KALRN: variants seen among roughly 807,000 people sequenced by gnomAD.
KALRN encodes the protein kalirin.
Under a neutral mutation model 353.7 loss-of-function variants are expected in KALRN, and 70 were observed. That is an observed-to-expected ratio of 0.20 (90% CI 0.16 to 0.24). The LOEUF is 0.24. Ranked by LOEUF, KALRN falls within the 10% of genes least tolerant of loss-of-function variation. The probability of loss-of-function intolerance (pLI) is 1.00; values close to 1 mark genes in which losing one functional copy is unlikely to be tolerated. For missense variants in KALRN, 2,791 were observed against 3,756.7 expected (o/e 0.74, Z 6.72); for synonymous variants, 1,391 against 1,434.8 (o/e 0.97, Z 0.69).
At chr3:124,236,952 T>A (rs1337479192) in intron 3 of KALRN, among the ~76,000 whole-genome samples, 1 of 152,216 alleles carries the variant, frequency 6.6e-6, no homozygotes, top group African/African-American at 2.4e-5. Context: ...CTGTGATGCC[T>A]GCTGCCCTGC....
rs140809592 is a variant in KALRN at position 124,297,525 on chromosome 3, C to T, written c.970-1266C>T. Among the ~76,000 whole-genome samples the T allele has an allele frequency of 6.8e-4, 103 of 152,356 alleles. 1 individual carries two copies. In the East Asian group the frequency reaches 7.5e-3, roughly 11 times the overall value. On this transcript the variant is annotated intron_variant, in intron 5 of 59. Transcript: ENST00000682506. ...ATGGTTGAGTTTCCAGGTCCTCACCCACATCAGGATTTCTGTAGCAGCCTC... is the reference window on the plus strand; with the variant it reads ...ATGGTTGAGTTTCCAGGTCCTCACCTACATCAGGATTTCTGTAGCAGCCTC...
chr3:124,205,396 C>G (rs1039895679), intron 1 of KALRN, among the ~76,000 whole-genome samples: 2 of 152,168 alleles, frequency 1.3e-5, no homozygotes, highest in Admixed American at 6.5e-5. Flanking sequence ...AAATCGCTCT[C>G]GCAGCTCCTA....
chr3:124,494,639 C>A (rs2063519465), intron 32 of KALRN, among the ~76,000 whole-genome samples: 2 of 152,168 alleles, frequency 1.3e-5, no homozygotes, highest in African/African-American at 4.8e-5. Context: ...GGTGAGAGAG[C>A]AGTTGACTTA....
At chr3:124,115,817 A>G (rs2063405161) in intron 1 of KALRN, among the ~76,000 whole-genome samples, 1 of 152,206 alleles carries the variant, frequency 6.6e-6, no homozygotes, top group East Asian at 1.9e-4. Context: ...ATTTACTTTC[A>G]TTTTATCATA....
At chr3:124,114,212 A>G (rs761642494) in intron 1 of KALRN, among the ~76,000 whole-genome samples, 40 of 152,194 alleles carry the variant, frequency 2.6e-4, no homozygotes, top group Non-Finnish European at 5.4e-4. Flanking sequence ...TGTTCTGGCC[A>G]TTTCATCAGA....
intron 5 of KALRN, among the ~76,000 whole-genome samples, chr3:124,280,743 AATAC>A (rs2149037217): frequency 6.6e-6 from 1 of 152,232 alleles, no homozygotes; most frequent in Non-Finnish European, 1.5e-5. Context: ...CTCATATATA[AATAC>A]AGGAGGATGT....
intron 34 of KALRN, among the ~76,000 whole-genome samples, chr3:124,576,493 A>G (rs531251747): frequency 6.6e-6 from 1 of 152,260 alleles, no homozygotes; most frequent in African/African-American, 2.4e-5. Context: ...GGGAATGGGG[A>G]ATCATGTTCT....
intron 59 of KALRN, among the ~76,000 whole-genome samples, chr3:124,718,013 T>C (rs1388073188): frequency 1.3e-5 from 2 of 151,514 alleles, no homozygotes; most frequent in Admixed American, 1.3e-4. Context: ...GGTTTCATCA[T>C]GTTGGCCAGG....
intron 1 of KALRN, among the ~76,000 whole-genome samples, chr3:124,194,449 C>A (rs1025959383): frequency 1.8e-4 from 28 of 151,874 alleles, no homozygotes; most frequent in South Asian, 6.3e-4. Context: ...CCCGAGGCTT[C>A]AGTTTCTTGG....
chr3:124,268,695 C>G (rs777309937), intron 4 of KALRN, 48 bp from the exon 5 acceptor site: 1 of 1,590,630 alleles, frequency 6.3e-7, no homozygotes, highest in South Asian at 1.1e-5. Context: ...CTGCCCTGTT[C>G]TTCCCCTGAC....
At chr3:124,113,102 G>GC (rs2063143379) in intron 1 of KALRN, among the ~76,000 whole-genome samples, 1 of 152,176 alleles carries the variant, frequency 6.6e-6, no homozygotes, top group Admixed American at 6.5e-5. Context: ...CAGGCAGTAT[G>GC]CTGAGTAGTT....
intron 1 of KALRN, among the ~76,000 whole-genome samples, chr3:124,168,113 G>T (rs2071158772): frequency 6.6e-6 from 1 of 152,184 alleles, no homozygotes; most frequent in Non-Finnish European, 1.5e-5. Flanking sequence ...GAGGTTGGTG[G>T]AGAGGTACAA....
chr3:124,531,387 G>A (rs1039366523), intron 33 of KALRN, among the ~76,000 whole-genome samples: 3 of 152,188 alleles, frequency 2.0e-5, no homozygotes, highest in African/African-American at 7.2e-5. Flanking sequence ...ATTTGTATAT[G>A]TGAATTTCCA....
intron 34 of KALRN, among the ~76,000 whole-genome samples, chr3:124,619,542 C>T (rs909189916): frequency 3.1e-5 from 4 of 131,034 alleles, no homozygotes; most frequent in African/African-American, 8.8e-5. Flanking sequence ...GGCTGGAGTG[C>T]AATGGCGTGA....
At chr3:124,375,226 T>C (rs76500686) in intron 10 of KALRN, among the ~76,000 whole-genome samples, 6,358 of 152,140 alleles carry the variant, frequency 0.042, 193 homozygotes, top group Middle Eastern at 0.099. Flanking sequence ...GCCTGCTCAG[T>C]GGGAAAAGGA....
At chr3:124,185,974 G>A (rs2074175157) in intron 1 of KALRN, among the ~76,000 whole-genome samples, 2 of 152,218 alleles carry the variant, frequency 1.3e-5, no homozygotes, top group South Asian at 2.1e-4. Flanking sequence ...CCTGGGTCAA[G>A]GGAATTGCCC....
intron 3 of KALRN, among the ~76,000 whole-genome samples, chr3:124,245,305 C>G (rs1423938766): frequency 1.3e-5 from 2 of 152,146 alleles, no homozygotes; most frequent in African/African-American, 4.8e-5. Context: ...CATGTTGCTG[C>G]AAATGATAAG....
At chr3:124,418,971 T>G (rs2092648176) in intron 14 of KALRN, among the ~76,000 whole-genome samples, 1 of 151,270 alleles carries the variant, frequency 6.6e-6, no homozygotes, top group Admixed American at 6.6e-5. Flanking sequence ...ACTTGGGAAG[T>G]TGAGGCAGGA....
intron 1 of KALRN, among the ~76,000 whole-genome samples, chr3:124,093,403 C>T (rs2061241130): frequency 6.6e-6 from 1 of 152,290 alleles, no homozygotes; most frequent in Admixed American, 6.5e-5. Flanking sequence ...AGTTTTTAGG[C>T]TTGGAGAACA....
Sources: gnomAD v4.1 joint callset for allele counts (sites outside exome capture counted in the v4.1 genomes callset) on GRCh38, gnomAD v4.1.1 for gene constraint, MANE v1.5 for transcripts, NCBI Gene and HGNC (gene_info 2026-07-23, HGNC 2026-07-21) for gene names.